RASEF: variants seen among roughly 807,000 people sequenced by gnomAD.
The protein encoded by RASEF is RAS and EF-hand domain containing, also known as ras and EF-hand domain-containing protein.
A neutral mutation model predicts 90.1 loss-of-function variants in RASEF; 68 were observed. That is an observed-to-expected ratio of 0.75 (90% CI 0.62 to 0.92). The LOEUF is 0.92. Ranked by LOEUF, RASEF falls within the 40% of genes least tolerant of loss-of-function variation. RASEF has a pLI of 0.00. For synonymous variants in RASEF, 331 were observed against 345.2 expected, an observed-to-expected ratio of 0.96 and a Z score of 0.46; for missense variants, 949 against 937.2, an observed-to-expected ratio of 1.01 and a Z score of -0.16.
At chr9:83,125,734 T>C in the RASEF span, among the ~76,000 whole-genome samples, 7 of 152,154 alleles carry the variant, frequency 4.6e-5, no homozygotes, top group Admixed American at 2.6e-4. Context: ...AAACAGATGG[T>C]CCAGGAGCAG....
the RASEF span, among the ~76,000 whole-genome samples, chr9:83,153,957 T>G: frequency 6.6e-6 from 1 of 152,202 alleles, no homozygotes; most frequent in East Asian, 1.9e-4. Context: ...CTTGACAGGC[T>G]GCATGGAATA....
At chr9:83,038,289 G>A (rs1045712720) in intron 1 of RASEF, among the ~76,000 whole-genome samples, 10 of 151,906 alleles carry the variant, frequency 6.6e-5, no homozygotes, top group Admixed American at 1.3e-4. Context: ...TCAATACCAA[G>A]ACAAAAAAGA....
chr9:83,183,343 A>G, the RASEF span, among the ~76,000 whole-genome samples: 1 of 152,102 alleles, frequency 6.6e-6, no homozygotes, highest in African/African-American at 2.4e-5. Context: ...ATGGCCAAGC[A>G]GTTACAATTT....
the RASEF span, among the ~76,000 whole-genome samples, chr9:83,169,398 A>G: frequency 2.9e-5 from 4 of 137,980 alleles, no homozygotes; most frequent in African/African-American, 1.0e-4. Flanking sequence ...CACACACAGG[A>G]GTGGGATTGT....
At chr9:83,117,905 A>G in the RASEF span, among the ~76,000 whole-genome samples, 2 of 152,124 alleles carry the variant, frequency 1.3e-5, no homozygotes, top group East Asian at 3.9e-4. Context: ...GAACTGGAGG[A>G]GGTGGCAGAA....
At chr9:83,014,245 T>G (rs1564077522) in intron 4 of RASEF, among the ~76,000 whole-genome samples, 1 of 152,232 alleles carries the variant, frequency 6.6e-6, no homozygotes, top group Non-Finnish European at 1.5e-5. Context: ...GGAGAATTCT[T>G]AATCATCCCA....
At chr9:83,033,553 C>T (rs1829683904) in intron 1 of RASEF, among the ~76,000 whole-genome samples, 1 of 152,180 alleles carries the variant, frequency 6.6e-6, no homozygotes, top group Admixed American at 6.5e-5. Flanking sequence ...AGCACATCCT[C>T]AAGGACCGAA....
the RASEF span, among the ~76,000 whole-genome samples, chr9:83,121,444 T>A: frequency 6.6e-6 from 1 of 152,302 alleles, no homozygotes; most frequent in East Asian, 1.9e-4. Flanking sequence ...CTCATTACAT[T>A]TTAAGAAGCA....
At chr9:83,055,501 T>C (rs1345170047) in intron 1 of RASEF, 2 of 689,306 alleles carry the variant, frequency 2.9e-6, no homozygotes, top group Non-Finnish European at 5.3e-6. Flanking sequence ...AAATCACCCG[T>C]CTTCTGCGTC....
At chr9:83,121,045 G>A in the RASEF span, among the ~76,000 whole-genome samples, 3 of 152,244 alleles carry the variant, frequency 2.0e-5, no homozygotes, top group Non-Finnish European at 4.4e-5. Flanking sequence ...TATTACAGTT[G>A]CTTTGGAGCA....
At chr9:83,111,876 C>T in the RASEF span, among the ~76,000 whole-genome samples, 2 of 151,770 alleles carry the variant, frequency 1.3e-5, no homozygotes, top group African/African-American at 2.4e-5. Context: ...ACATAAATTT[C>T]TTAACTATAA....
chr9:83,111,110 A>G, the RASEF span, among the ~76,000 whole-genome samples: 1 of 152,226 alleles, frequency 6.6e-6, no homozygotes, highest in African/African-American at 2.4e-5. Context: ...GCAAATAATA[A>G]GAAACAATCA....
chr9:83,089,089 G>T, the RASEF span, among the ~76,000 whole-genome samples: 1 of 151,700 alleles, frequency 6.6e-6, no homozygotes, highest in African/African-American at 2.4e-5. Context: ...CTAAGCAATT[G>T]CTCTAGAAAT....
At chr9:83,199,233 A>T in the RASEF span, among the ~76,000 whole-genome samples, 4 of 15,850 alleles carry the variant, frequency 2.5e-4, no homozygotes, top group African/African-American at 1.4e-3. Flanking sequence ...TTAAAAAAAA[A>T]AAAAAAAAAA....
intron 8 of RASEF, among the ~76,000 whole-genome samples, 155 bp downstream of exon 8, chr9:83,005,261 A>T (rs2118468141): frequency 6.6e-6 from 1 of 152,314 alleles, no homozygotes; most frequent in Non-Finnish European, 1.5e-5. Context: ...TTTAATTTGG[A>T]AAAATGCTGC....
At chr9:83,100,414 T>A in the RASEF span, among the ~76,000 whole-genome samples, 1 of 152,204 alleles carries the variant, frequency 6.6e-6, no homozygotes, top group Admixed American at 6.5e-5. Flanking sequence ...TTTCACTGGC[T>A]TTCAACCAAC....
the RASEF span, among the ~76,000 whole-genome samples, chr9:83,206,542 T>G: frequency 2.7e-4 from 41 of 152,212 alleles, no homozygotes; most frequent in Non-Finnish European, 4.4e-4. Context: ...TTACTAAGAT[T>G]ACTTTTAACC....
chr9:83,145,533 A>G, the RASEF span, among the ~76,000 whole-genome samples: 1 of 152,110 alleles, frequency 6.6e-6, no homozygotes, highest in Non-Finnish European at 1.5e-5. Flanking sequence ...TAGATTCTCT[A>G]TCATTTTAAC....
intron 14 of RASEF, among the ~76,000 whole-genome samples, chr9:82,993,294 T>C (rs1828849820): frequency 6.6e-6 from 1 of 152,208 alleles, no homozygotes. Context: ...CGCTTGCCTC[T>C]ATATAATGCC....
Sources: gnomAD v4.1 joint callset for allele counts (sites outside exome capture counted in the v4.1 genomes callset) on GRCh38, gnomAD v4.1.1 for gene constraint, MANE v1.5 for transcripts, NCBI Gene and HGNC (gene_info 2026-07-23, HGNC 2026-07-21) for gene names.